PCCB: variants seen among roughly 807,000 people sequenced by gnomAD.
PCCB encodes the protein propionyl-CoA carboxylase beta chain, mitochondrial.
PCCB carries 43 observed loss-of-function variants against 60.7 expected under a neutral mutation model. That is an observed-to-expected ratio of 0.71 (90% CI 0.55 to 0.91). The LOEUF (loss-of-function observed/expected upper bound fraction) is 0.91. Ranked by LOEUF, PCCB falls within the 40% of genes least tolerant of loss-of-function variation. The probability of loss-of-function intolerance (pLI) is 0.00; values close to 1 mark genes in which losing one functional copy is unlikely to be tolerated. For missense variants in PCCB, 766 were observed against 702.8 expected, an observed-to-expected ratio of 1.09 and a Z score of -1.02; for synonymous variants, 276 against 255.9, an observed-to-expected ratio of 1.08 and a Z score of -0.75.
At chr3:136,310,824 TA>T (rs747319960) in intron 9 of PCCB, among the ~76,000 whole-genome samples, 1 of 152,128 alleles carries the variant, frequency 6.6e-6, no homozygotes, top group Non-Finnish European at 1.5e-5. Context: ...TTAACACATA[TA>T]GGGGAGAAAA....
intron 2 of PCCB, 90 bp from the exon 3 acceptor site, chr3:136,256,465 T>C: frequency 2.1e-6 from 2 of 934,910 alleles, no homozygotes; most frequent in South Asian, 1.3e-5. Context: ...ATTTGGGTTT[T>C]GTTTTTGTCT....
intron 12 of PCCB, 137 bp from the exon 13 acceptor site, chr3:136,327,497 T>TA (rs1935366603): frequency 2.6e-6 from 2 of 765,076 alleles, no homozygotes; most frequent in African/African-American, 3.4e-5. Context: ...TGAAAGGTCT[T>TA]ACAGACCGTG....
intron 5 of PCCB, among the ~76,000 whole-genome samples, chr3:136,283,562 A>T (rs567569911): frequency 6.6e-6 from 1 of 152,160 alleles, no homozygotes; most frequent in African/African-American, 2.4e-5. Flanking sequence ...TCTGTACCTC[A>T]TGCCCTTAGT....
chr3:136,250,402 G>A lies in PCCB; in HGVS notation c.27G>A (p.Ala9=), dbSNP rs1402404407. The A allele has an allele frequency of 3.2e-6, 5 of 1,544,770 alleles. No individual in the cohort carries two copies. The highest frequency in any genetic ancestry group is 1.4e-5 in the African/African-American group (1 of 72,846). ...TGGCGGCGGCATTACGGGTGGCGGC[G>A]GTCGGGGCAAGGCTCAGCGTTCTGG... The part of the protein sequence containing the change: MAAALRVA[A]VGARLSVLAS... The change falls in exon 1 of 15, where the codon GCG becomes GCA. Residue 9 remains alanine (A), a synonymous_variant. Transcript: ENST00000251654.
intron 8 of PCCB, among the ~76,000 whole-genome samples, chr3:136,299,878 G>GTGTATGTATATACATGCATA (rs985270536): frequency 7.8e-4 from 116 of 148,768 alleles, no homozygotes; most frequent in East Asian, 4.4e-3. Context: ...ATGCATGCAT[G>GTGTATGTATATACATGCATA]TGTATGTACG....
chr3:136,276,656 T>C (rs489398), intron 5 of PCCB, among the ~76,000 whole-genome samples: 125,842 of 152,186 alleles, frequency 0.83, 52,208 homozygotes, highest in East Asian at 0.99. Flanking sequence ...GTCTATAGGT[T>C]CACCTTTGCC....
rs147379583 is a variant in PCCB at position 136,301,035 on chromosome 3, G to C, written c.890G>C (p.Arg297Pro). 1 of 1,613,912 alleles carries C rather than the reference G, an allele frequency of 6.2e-7. No individual in the cohort carries two copies. The highest frequency in any genetic ancestry group is 8.5e-7 in the Non-Finnish European group (1 of 1,179,866). Residue 297 changes from arginine (R) to proline (P), a missense_variant, in exon 9 of 15, where the codon CGT (arginine) becomes CCT (proline). Coordinates refer to ENST00000251654, the MANE Select transcript of PCCB (RefSeq NM_000532.5). ...TGCCTTTTTTCTGCCTAAAGTGACC[G>C]TCTGGTTCCTGAGCTTGACACAATT... The part of the protein sequence containing the change: ...PVRECHDPSD[R>P]LVPELDTIVP...
intron 6 of PCCB, among the ~76,000 whole-genome samples, chr3:136,285,184 A>G (rs1933340672): frequency 6.6e-6 from 1 of 151,632 alleles, no homozygotes; most frequent in South Asian, 2.1e-4. Context: ...CTATATATAC[A>G]CACCTAGCTG....
At position 136,250,555 on chromosome 3, in the gene PCCB, G is replaced by A. The variant is rs140636870; in HGVS notation, c.180G>A (p.Lys60=). The A allele has an allele frequency of 5.7e-5, 92 of 1,611,754 alleles. No homozygotes were observed. The African/African-American group carries it at 1.1e-3, about 18-fold the overall frequency. The change falls in exon 1 of 15, where the codon AAG becomes AAA. Residue 60 remains lysine, a synonymous_variant. Transcript: ENST00000251654. ...GGQRRIDAQH[K]RGKLTARERI... is the part of the protein sequence containing the mutation. ...AACGCCGTATTGACGCGCAGCACAA[G>A]CGAGTGAGTCCTGAGGGGCCTAAGT...
At chr3:136,308,539 C>A (rs1394778088) in intron 9 of PCCB, among the ~76,000 whole-genome samples, 1 of 152,098 alleles carries the variant, frequency 6.6e-6, no homozygotes, top group Non-Finnish European at 1.5e-5. Flanking sequence ...CAAAGCAGGT[C>A]AAATGGACAA....
intron 9 of PCCB, 110 bp downstream of exon 9, chr3:136,301,221 C>G: frequency 4.8e-6 from 4 of 836,914 alleles, no homozygotes; most frequent in Non-Finnish European, 8.2e-6. Context: ...TGTCAGACAG[C>G]ACAGGTCGGG....
chr3:136,287,585 A>C (rs2108187958), intron 6 of PCCB, among the ~76,000 whole-genome samples: 1 of 152,086 alleles, frequency 6.6e-6, no homozygotes, highest in African/African-American at 2.4e-5. Flanking sequence ...GGCGTGTGCC[A>C]CCACACACCC....
At chr3:136,251,833 T>C (rs545942554) in intron 1 of PCCB, among the ~76,000 whole-genome samples, 2 of 152,298 alleles carry the variant, frequency 1.3e-5, no homozygotes, top group East Asian at 1.9e-4. Flanking sequence ...TTTGCCAAAG[T>C]TAACTTAGGA....
At chr3:136,296,789 C>T (rs139815240) in intron 7 of PCCB, among the ~76,000 whole-genome samples, 1 of 151,716 alleles carries the variant, frequency 6.6e-6, no homozygotes, top group African/African-American at 2.4e-5. Flanking sequence ...AGGCAAATAG[C>T]AAAGGAATTA....
chr3:136,292,533 T>G (rs1260460851), intron 6 of PCCB, among the ~76,000 whole-genome samples: 2 of 152,198 alleles, frequency 1.3e-5, no homozygotes, highest in African/African-American at 4.8e-5. Flanking sequence ...GAAACAACCT[T>G]CATGACCATC....
At chr3:136,300,211 T>C (rs776715150) in intron 8 of PCCB, among the ~76,000 whole-genome samples, 23 of 152,084 alleles carry the variant, frequency 1.5e-4, no homozygotes, top group Non-Finnish European at 2.9e-4. Flanking sequence ...AGGGAGGACT[T>C]TATTAGCAGA....
At chr3:136,324,153 C>T (rs969246807) in intron 10 of PCCB, among the ~76,000 whole-genome samples, 1 of 151,902 alleles carries the variant, frequency 6.6e-6, no homozygotes, top group Non-Finnish European at 1.5e-5. Flanking sequence ...GCTCTGTTGC[C>T]TGGGCTGGTC....
At chr3:136,292,381 C>CAT (rs921020357) in intron 6 of PCCB, among the ~76,000 whole-genome samples, 7 of 152,134 alleles carry the variant, frequency 4.6e-5, no homozygotes, top group Admixed American at 4.6e-4. Flanking sequence ...TGATATAATG[C>CAT]ATATGATAGA....
chr3:136,276,694 G>A (rs1469104881), intron 5 of PCCB, among the ~76,000 whole-genome samples: 1 of 152,184 alleles, frequency 6.6e-6, no homozygotes, highest in Non-Finnish European at 1.5e-5. Context: ...CCCCAACTGT[G>A]TCTGTGTAGT....
Sources: allele counts gnomAD v4.1 joint callset (sites outside exome capture counted in the v4.1 genomes callset), GRCh38; gene constraint gnomAD v4.1.1; transcripts MANE v1.5; gene names NCBI Gene and HGNC (gene_info 2026-07-23, HGNC 2026-07-21).